Variants in FTCDNL1 observed in about 807,000 individuals in gnomAD.
FTCDNL1 encodes formiminotransferase N-terminal subdomain-containing protein.
Under a neutral mutation model 5.9 loss-of-function variants are expected in FTCDNL1, and 11 were observed. The ratio of observed to expected loss-of-function variants is 1.87; its 90% CI spans 1.18 to 3.10. The LOEUF is 3.10. Among genes scored for constraint, FTCDNL1 ranks in the 30% most tolerant of loss-of-function variants. The pLI, the probability that FTCDNL1 is intolerant of heterozygous loss-of-function variation, is 0.00. For synonymous variants in FTCDNL1, 58 were observed against 24.8 expected, an observed-to-expected ratio of 2.34 and a Z score of -3.99; for missense variants, 115 against 65.5, an observed-to-expected ratio of 1.76 and a Z score of -2.61.
chr2:199,711,028 A>C, the FTCDNL1 span, among the ~76,000 whole-genome samples: 2 of 152,086 alleles, frequency 1.3e-5, no homozygotes, highest in Admixed American at 6.6e-5. Flanking sequence ...TTTGAAAGTG[A>C]TATCAAAATA....
chr2:199,691,491 G>A, the FTCDNL1 span, among the ~76,000 whole-genome samples: 1 of 152,164 alleles, frequency 6.6e-6, no homozygotes, highest in Non-Finnish European at 1.5e-5. Context: ...AAGATTATGT[G>A]TTTCTAGGTA....
At chr2:199,738,243 A>C in the FTCDNL1 span, among the ~76,000 whole-genome samples, 1 of 152,194 alleles carries the variant, frequency 6.6e-6, no homozygotes, top group African/African-American at 2.4e-5. Context: ...GAAGCTCTTG[A>C]CGTGGTCTCT....
chr2:199,810,659 A>AT lies in FTCDNL1; in HGVS notation c.*2045dup. Reference sequence around the variant, plus strand: ...CGTGGCTCTAATTATAGTTTACACTATAAGATGGACAACTTGGTTAAATTA... The same window carrying AT: ...CGTGGCTCTAATTATAGTTTACACTATTAAGATGGACAACTTGGTTAAATTA... On this transcript the variant is annotated 3_prime_UTR_variant, in exon 5 of 5. Transcript: ENST00000420128. Among the ~76,000 whole-genome samples, 1 of 152,346 alleles carries AT rather than the reference A, an allele frequency of 6.6e-6. No homozygotes were observed. The highest frequency in any genetic ancestry group is 2.1e-4 in the South Asian group (1 of 4,826).
At chr2:199,760,784 G>A in exon 4 of FTCDNL1, 1 of 702,340 alleles carries the variant, frequency 1.4e-6, no homozygotes, top group Non-Finnish European at 2.6e-6. Flanking sequence ...TCTGGTTCCT[G>A]GATGTCGACC....
At chr2:199,771,909 C>T (rs753154775) in intron 3 of FTCDNL1, among the ~76,000 whole-genome samples, 3 of 152,190 alleles carry the variant, frequency 2.0e-5, no homozygotes, top group Non-Finnish European at 4.4e-5. Context: ...TCTGTATACA[C>T]TATGTTTTAT....
chr2:199,827,901 T>A (rs533258130), intron 3 of FTCDNL1, among the ~76,000 whole-genome samples: 20 of 152,328 alleles, frequency 1.3e-4, no homozygotes, highest in Non-Finnish European at 7.3e-5. Context: ...TTCCATTCTG[T>A]CATCTACATA....
chr2:199,788,837 T>C (rs1325724933), intron 3 of FTCDNL1, among the ~76,000 whole-genome samples: 1 of 151,802 alleles, frequency 6.6e-6, no homozygotes, highest in African/African-American at 2.4e-5. Context: ...ATAAGAGCAA[T>C]AGGATGTATA....
downstream of FTCDNL1, among the ~76,000 whole-genome samples, chr2:199,807,202 G>T (rs149737668): frequency 5.9e-5 from 9 of 152,314 alleles, no homozygotes; most frequent in East Asian, 1.5e-3. Context: ...GGAAGAGCTG[G>T]TGATAGTGTA....
intron 2 of FTCDNL1, among the ~76,000 whole-genome samples, chr2:199,846,441 AT>A (rs1402333600): frequency 6.6e-6 from 1 of 152,216 alleles, no homozygotes; most frequent in Non-Finnish European, 1.5e-5. Flanking sequence ...ATTTGCCAAA[AT>A]TCCCTTAACT....
At chr2:199,670,124 T>C in the FTCDNL1 span, among the ~76,000 whole-genome samples, 2 of 152,218 alleles carry the variant, frequency 1.3e-5, no homozygotes, top group Non-Finnish European at 2.9e-5. Flanking sequence ...ATTCCTACTG[T>C]TTTCCTTTTT....
intron 3 of FTCDNL1, among the ~76,000 whole-genome samples, chr2:199,794,219 A>C (rs1439213620): frequency 1.3e-5 from 2 of 152,232 alleles, no homozygotes; most frequent in Non-Finnish European, 2.9e-5. Flanking sequence ...ATATATTTCC[A>C]ATGCTCCTGA....
chr2:199,845,385 G>C (rs4673506), intron 3 of FTCDNL1, among the ~76,000 whole-genome samples: 1 of 151,824 alleles, frequency 6.6e-6, no homozygotes, highest in African/African-American at 2.4e-5. Context: ...TGGCCAACAC[G>C]GCAAATCCCC....
At chr2:199,805,372 G>A (rs1700668293), downstream of FTCDNL1, among the ~76,000 whole-genome samples, 1 of 152,190 alleles carries the variant, frequency 6.6e-6, no homozygotes, top group Non-Finnish European at 1.5e-5. Flanking sequence ...GGCCAAGGCG[G>A]GAGGACTGCT....
the FTCDNL1 span, among the ~76,000 whole-genome samples, chr2:199,685,002 A>T: frequency 6.6e-6 from 1 of 151,822 alleles, no homozygotes; most frequent in African/African-American, 2.4e-5. Flanking sequence ...ATCTTTTATG[A>T]TGATCATTTC....
the FTCDNL1 span, among the ~76,000 whole-genome samples, chr2:199,743,692 CT>C: frequency 6.6e-6 from 1 of 151,914 alleles, no homozygotes; most frequent in Non-Finnish European, 1.5e-5. Flanking sequence ...AATTAAGCCT[CT>C]TAGTGTCTCG....
chr2:199,817,212 T>C lies in FTCDNL1; in HGVS notation c.397+2360A>G, dbSNP rs1296861499. On this transcript the variant is annotated intron_variant, in intron 4 of 4. Transcript: ENST00000420128. Reference sequence around the variant, plus strand: ...CCTTTTACTATTTCCTTAGGATTTATCTCTAGATCTAGAATTCCTGAAAGG... The same window carrying C: ...CCTTTTACTATTTCCTTAGGATTTACCTCTAGATCTAGAATTCCTGAAAGG... Among the ~76,000 whole-genome samples the C allele has an allele frequency of 2.0e-5, 3 of 152,246 alleles. No individual in the cohort carries two copies. The East Asian group carries it at 5.8e-4, about 29-fold the overall frequency.
chr2:199,703,185 C>T, the FTCDNL1 span, among the ~76,000 whole-genome samples: 35 of 152,034 alleles, frequency 2.3e-4, no homozygotes, highest in South Asian at 2.9e-3. Context: ...AGGTATATCT[C>T]CTAATGCTAT....
intron 3 of FTCDNL1, among the ~76,000 whole-genome samples, chr2:199,832,679 C>A (rs1574653432): frequency 1.3e-5 from 2 of 152,084 alleles, no homozygotes. Context: ...AAAGGGGGAT[C>A]CACTCTCTTT....
the FTCDNL1 span, among the ~76,000 whole-genome samples, chr2:199,747,667 G>T: frequency 1.3e-5 from 2 of 152,056 alleles, no homozygotes; most frequent in African/African-American, 4.8e-5. Flanking sequence ...AGCTCGCATC[G>T]TTTATGATTT....
Sources: allele counts gnomAD v4.1 joint callset (sites outside exome capture counted in the v4.1 genomes callset), GRCh38; gene constraint gnomAD v4.1.1; transcripts MANE v1.5; gene names NCBI Gene and HGNC (gene_info 2026-07-23, HGNC 2026-07-21).